Variants in TRIM63 observed in about 807,000 individuals in gnomAD.
The protein encoded by TRIM63 is tripartite motif containing 63.
A neutral mutation model predicts 46.0 loss-of-function variants in TRIM63; 48 were observed. The observed-to-expected ratio is 1.04, with a 90% CI of 0.83 to 1.33. TRIM63 has a LOEUF of 1.33. TRIM63 is among the 40% of genes most tolerant of loss of function. The pLI, the probability that TRIM63 is intolerant of heterozygous loss-of-function variation, is 0.00. For synonymous variants in TRIM63, 175 were observed against 162.8 expected, an observed-to-expected ratio of 1.08 and a Z score of -0.57; for missense variants, 455 against 441.2, an observed-to-expected ratio of 1.03 and a Z score of -0.28.
At chr1:26,054,062 C>T (rs1569726913) in intron 7 of TRIM63, 98 bp from the exon 8 acceptor site, 1 of 835,012 alleles carries the variant, frequency 1.2e-6, no homozygotes, top group Admixed American at 2.9e-5. Flanking sequence ...AAACCCCTTC[C>T]TGTGCCCAGT....
At chr1:26,060,505 A>G (rs2050614025) in intron 3 of TRIM63, 144 bp from the exon 4 acceptor site, 1 of 622,632 alleles carries the variant, frequency 1.6e-6, no homozygotes, top group African/African-American at 1.8e-5. Context: ...TCTTTCGGGT[A>G]TAGCTCAGCT....
At chr1:26,058,099 C>T (rs2050588933) in intron 5 of TRIM63, among the ~76,000 whole-genome samples, 1 of 152,220 alleles carries the variant, frequency 6.6e-6, no homozygotes, top group Non-Finnish European at 1.5e-5. Context: ...TTGTCTTCCA[C>T]CTCAGTGCCT....
chr1:26,054,077 T>A, intron 7 of TRIM63, 113 bp from the exon 8 acceptor site: 1 of 694,014 alleles, frequency 1.4e-6, no homozygotes, highest in Non-Finnish European at 2.3e-6. Flanking sequence ...CCCAGTCGGG[T>A]CAAACGGCCA....
At position 26,067,345 on chromosome 1, in the gene TRIM63, G is replaced by A. The variant is rs371869735; in HGVS notation, c.150C>T (p.Asp50=). 2.5e-6 allele frequency: 4 copies of A among 1,613,958 alleles called. No homozygotes were observed. In the Admixed American group the frequency reaches 6.7e-5, roughly 27 times the overall value. The change falls in exon 1 of 9, where the codon GAC becomes GAT. Residue 50 remains aspartate, a synonymous_variant. Transcript: ENST00000374272. ...QHNLCRKCAN[D]IFQAANPYWT... is the part of the protein sequence containing the mutation. Reference sequence around the variant, plus strand: ...TGCACCCGGCACTTACCTGGAAGATGTCATTGGCACACTTCCGGCACAGGT... The same window carrying A: ...TGCACCCGGCACTTACCTGGAAGATATCATTGGCACACTTCCGGCACAGGT...
chr1:26,055,791 G>A (rs749855818), intron 7 of TRIM63, among the ~76,000 whole-genome samples: 11 of 152,086 alleles, frequency 7.2e-5, no homozygotes, highest in Admixed American at 2.0e-4. Flanking sequence ...GATTACAGAC[G>A]TGAGTCACTG....
At chr1:26,053,032 C>T (rs957183397) in intron 8 of TRIM63, among the ~76,000 whole-genome samples, 2 of 152,190 alleles carry the variant, frequency 1.3e-5, no homozygotes, top group Non-Finnish European at 2.9e-5. Flanking sequence ...CAGCCTCTAC[C>T]TCTTGGGCTC....
rs760601079 is a variant in TRIM63 at position 26,066,364 on chromosome 1, C to T, written c.236G>A (p.Arg79His). The T allele has an allele frequency of 1.4e-5, 22 of 1,613,764 alleles. No homozygotes were observed. The highest frequency in any genetic ancestry group is 2.2e-5 in the East Asian group (1 of 44,874). Residue 79 changes from arginine to histidine, a missense_variant, in exon 2 of 9, where the codon CGC (arginine) becomes CAC (histidine). By Grantham distance (29) the Arg-to-His change is conservative. Coordinates refer to ENST00000374272, the MANE Select transcript of TRIM63 (RefSeq NM_032588.4). ...SGGRFRCPTCRHEVIMDRHGV... is the reference protein window; with the variant it reads ...SGGRFRCPTCHHEVIMDRHGV... ...GTGACGATCCATGATCACCTCGTGGCGGCAGGTGGGGCAGCGGAAACGGCC... is the reference window on the plus strand; with the variant it reads ...GTGACGATCCATGATCACCTCGTGGTGGCAGGTGGGGCAGCGGAAACGGCC...
intron 3 of TRIM63, 93 bp from the exon 4 acceptor site, chr1:26,060,454 C>T: frequency 1.1e-6 from 1 of 926,822 alleles, no homozygotes; most frequent in Non-Finnish European, 1.7e-6. Context: ...TTCCTCCCTC[C>T]CCTCTCTGCT....
chr1:26,051,993 A>C, intron 8 of TRIM63, 110 bp from the exon 9 acceptor site: 1 of 908,134 alleles, frequency 1.1e-6, no homozygotes, highest in Non-Finnish European at 1.5e-6. Flanking sequence ...AAAACATCAA[A>C]CTCCAATTCC....
At chr1:26,064,204 G>A (rs1438195941) in intron 2 of TRIM63, among the ~76,000 whole-genome samples, 1 of 152,186 alleles carries the variant, frequency 6.6e-6, no homozygotes, top group Non-Finnish European at 1.5e-5. Context: ...GCTGAGGCGG[G>A]CAGATCACCT....
chr1:26,059,805 C>T (rs919178367), intron 4 of TRIM63, among the ~76,000 whole-genome samples: 1 of 152,150 alleles, frequency 6.6e-6, no homozygotes, highest in Non-Finnish European at 1.5e-5. Flanking sequence ...GCAGCTTGGG[C>T]AAATCCTGGG....
In TRIM63 at chr1:26,058,553, T is replaced by C; in HGVS notation, c.668A>G (p.Lys223Arg). Residue 223 changes from lysine (K) to arginine (R), a missense_variant, in exon 5 of 9, where the codon AAG becomes AGG. By Grantham distance (26) the Lys-to-Arg change is conservative (BLOSUM62 2). Transcript: ENST00000374272. ...FDTLYAILDE[K>R]KSELLQRITQ... ...GATCCGCTGCAGCAACTCACTTTTC[T>C]TCTCATCCAGGATGGCATACAACGT... is the stretch of plus-strand genomic sequence containing the variant. 3 of 1,614,210 alleles carry C rather than the reference T, an allele frequency of 1.9e-6. No homozygotes were observed. Among genetic ancestry groups the C allele is most frequent in the Non-Finnish European group, 2.5e-6 (3 of 1,180,044 alleles).
intron 6 of TRIM63, 120 bp downstream of exon 6, chr1:26,057,508 A>T: frequency 2.8e-6 from 4 of 1,409,324 alleles, no homozygotes; most frequent in Non-Finnish European, 3.8e-6. Flanking sequence ...GCAAAGGGTC[A>T]GGGAAGCCAG....
At position 26,067,595 on chromosome 1, in the gene TRIM63, A is replaced by G; in HGVS notation, c.-101T>C. 1 of 1,354,504 alleles carries G rather than the reference A, an allele frequency of 7.4e-7. No homozygotes were observed. The highest frequency in any genetic ancestry group is 1.0e-6 in the Non-Finnish European group (1 of 998,718). The allele number at this position is 1,354,504 out of a possible 1,614,324, so 83.9% of individuals were successfully genotyped here. ...CCTTTGTCACAAAACACCGGGTCGG[A>G]TCCTGTTGGCTTCCTTCTCCTGGTG... is the stretch of plus-strand genomic sequence containing the variant. On this transcript the variant is annotated 5_prime_UTR_variant, in exon 1 of 9. Transcript: ENST00000374272.
At position 26,057,334 on chromosome 1, in the gene TRIM63, G is replaced by C; in HGVS notation, c.855-7C>G. On this transcript the variant is annotated splice_region_variant and splice_polypyrimidine_tract_variant and intron_variant, in intron 6 of 8. Coordinates refer to ENST00000374272, the MANE Select transcript of TRIM63 (RefSeq NM_032588.4). ...CTTGGAAGCTTCCACAATGCTGCAG[G>C]GGAGACAGAAAGAGAGGCAGGATGA... 6.2e-7 allele frequency: 1 copy of C among 1,613,886 alleles called. No homozygotes were observed. Among genetic ancestry groups the C allele is most frequent in the South Asian group, 1.1e-5 (1 of 91,048 alleles).
chr1:26,067,445 A>G lies in TRIM63; in HGVS notation c.50T>C (p.Leu17Ser), dbSNP rs769816690. 2 of 1,614,136 alleles carry G rather than the reference A, an allele frequency of 1.2e-6. No homozygotes were observed. Among genetic ancestry groups the G allele is most frequent in the Non-Finnish European group, 1.7e-6 (2 of 1,180,018 alleles). The change falls in exon 1 of 9, where the codon TTG (leucine) becomes TCG (serine). Residue 17 changes from leucine to serine, a missense_variant. Physicochemically the swap from Leu to Ser is moderately radical, Grantham distance 145. Transcript: ENST00000374272. ...LIQDGNPMEN[L>S]EKQLICPICL... ...GATAGGGCAGATCAGCTGCTTCTCC[A>G]AGTTCTCCATGGGATTCCCATCCTG...
intron 3 of TRIM63, 77 bp downstream of exon 3, chr1:26,061,089 G>T: frequency 1.3e-6 from 2 of 1,483,512 alleles, no homozygotes; most frequent in South Asian, 1.2e-5. Flanking sequence ...GATCTACAGG[G>T]ATCAAATCTG....
At position 26,058,400 on chromosome 1, in the gene TRIM63, G is replaced by A. The variant is rs768980673; in HGVS notation, c.821C>T (p.Thr274Ile). The A allele has an allele frequency of 2.3e-5, 37 of 1,613,892 alleles. No individual in the cohort carries two copies. Among genetic ancestry groups the A allele is most frequent in the Non-Finnish European group, 3.0e-5 (35 of 1,179,986 alleles). ...TCTAGTCCTGCTCACCAAGAGGAAG[G>A]TGGCTCCCCCAGGCTCGTCCAGGGA... The part of the protein sequence containing the change: ...IQSLDEPGGA[T>I]FLLTAKQLIK... The change falls in exon 5 of 9, where the codon ACC becomes ATC. Residue 274 changes from threonine (T) to isoleucine (I), a missense_variant. Transcript: ENST00000374272.
Position 26,058,591 on chromosome 1 carries a change from G to A in TRIM63, c.630C>T (p.Ser210=). The stretch of plus-strand genomic sequence containing the variant: ...TGGCATACAACGTGTCAAACTTCTG[G>A]CTCAGCTCTTCCTTTACCTGGTGAC... ...ENSHQVKEEL[S]QKFDTLYAIL... is the part of the protein sequence containing the mutation. The change falls in exon 5 of 9, where the codon AGC becomes AGT. Residue 210 remains serine (S), a synonymous_variant. Coordinates refer to ENST00000374272, the MANE Select transcript of TRIM63 (RefSeq NM_032588.4). 6.2e-7 allele frequency: 1 copy of A among 1,614,112 alleles called. No individual in the cohort carries two copies. Among genetic ancestry groups the A allele is most frequent in the South Asian group, 1.1e-5 (1 of 91,080 alleles).
Sources: gnomAD v4.1 joint callset for allele counts (sites outside exome capture counted in the v4.1 genomes callset) on GRCh38, gnomAD v4.1.1 for gene constraint, MANE v1.5 for transcripts, NCBI Gene and HGNC (gene_info 2026-07-23, HGNC 2026-07-21) for gene names.